ATP7A: variants seen among roughly 807,000 people sequenced by gnomAD.
The protein encoded by ATP7A is ATPase copper transporting alpha, also known as copper-transporting ATPase 1.
Under a neutral mutation model 83.5 loss-of-function variants are expected in ATP7A, and 7 were observed. The ratio of observed to expected loss-of-function variants is 0.08; its 90% CI spans 0.05 to 0.16. ATP7A has a LOEUF of 0.16. ATP7A is among the 10% of genes least tolerant of loss of function. The pLI is 1.00. For synonymous variants in ATP7A, 354 were observed against 395.2 expected, an observed-to-expected ratio of 0.90 and a Z score of 1.24; for missense variants, 940 against 1,120.8, an observed-to-expected ratio of 0.84 and a Z score of 2.30.
intron 1 of ATP7A, among the ~76,000 whole-genome samples, chrX:77,930,891 G>A (rs1160122637): frequency 1.8e-5 from 2 of 109,511 alleles, no homozygotes; most frequent in Non-Finnish European, 3.8e-5. Context: ...CTACATAGGT[G>A]GTACATGGGG....
At chrX:77,926,776 C>T (rs1477367517) in intron 1 of ATP7A, among the ~76,000 whole-genome samples, 1 of 109,565 alleles carries the variant, frequency 9.1e-6, no homozygotes, top group Non-Finnish European at 1.9e-5. Flanking sequence ...AATCTCAGCT[C>T]ACTGCAACCT....
chrX:78,037,748 A>T (rs2078022278), intron 17 of ATP7A, among the ~76,000 whole-genome samples: 1 of 110,750 alleles, frequency 9.0e-6, no homozygotes, highest in Non-Finnish European at 1.9e-5. Flanking sequence ...AAGATGAGGA[A>T]TGAGAATTAA....
At chrX:78,019,492 A>G (rs1438260289) in intron 12 of ATP7A, among the ~76,000 whole-genome samples, 1 of 110,645 alleles carries the variant, frequency 9.0e-6, no homozygotes, top group Non-Finnish European at 1.9e-5. Context: ...TGTTGAGACA[A>G]GGTCTTACCC....
intron 6 of ATP7A, 112 bp downstream of exon 6, chrX:78,003,348 G>GT: frequency 2.7e-6 from 2 of 750,373 alleles, no homozygotes; most frequent in Middle Eastern, 3.5e-4. Flanking sequence ...TGAAAATTAA[G>GT]GAAACTGGAA....
At chrX:77,927,727 C>T (rs1166476117) in intron 1 of ATP7A, among the ~76,000 whole-genome samples, 3 of 110,807 alleles carry the variant, frequency 2.7e-5, no homozygotes, top group Admixed American at 9.7e-5. Context: ...TGTTGGTGTG[C>T]TGCACCCATT....
Position 78,046,780 on chromosome X carries a change from A to AT in ATP7A, c.*215dup, listed in dbSNP as rs782687104. 33 of 486,994 alleles carry AT rather than the reference A, an allele frequency of 6.8e-5. No individual in the cohort carries two copies. The highest frequency in any genetic ancestry group is 6.3e-4 in the African/African-American group (26 of 41,230). The allele number at this position is 486,994 out of a possible 1,213,427, so 40.1% of individuals were successfully genotyped here. A position where few individuals can be genotyped will look rare whatever the true frequency, so the allele number is the denominator to read the frequency against. On this transcript the variant is annotated 3_prime_UTR_variant, in exon 23 of 23. Coordinates refer to ENST00000341514, the MANE Select transcript of ATP7A (RefSeq NM_000052.7). ...TTTATTTAAACTGAATTTCCAGTAT[A>AT]TTTTTGTTTTCACTAACAACAGATA...
chrX:77,994,662 C>A (rs1163091783), intron 4 of ATP7A, among the ~76,000 whole-genome samples: 8 of 110,998 alleles, frequency 7.2e-5, no homozygotes, highest in Non-Finnish European at 1.5e-4. Flanking sequence ...ACCTCAGCCT[C>A]CTGAGTGGCT....
At chrX:78,017,799 C>T (rs1473466077) in intron 12 of ATP7A, among the ~76,000 whole-genome samples, 1 of 65,856 alleles carries the variant, frequency 1.5e-5, no homozygotes, top group East Asian at 5.9e-4. Context: ...TTTTTTGAGA[C>T]GGAGTCTCGC....
chrX:78,042,836 G>C (rs1557238613), intron 20 of ATP7A, 48 bp downstream of exon 20: 1 of 1,132,151 alleles, frequency 8.8e-7, no homozygotes, highest in East Asian at 3.0e-5. Flanking sequence ...TGCCCTATGT[G>C]GTCAATGATA....
intron 1 of ATP7A, among the ~76,000 whole-genome samples, chrX:77,949,269 G>A (rs1294749332): frequency 4.5e-5 from 5 of 111,513 alleles, no homozygotes; most frequent in African/African-American, 1.3e-4. Context: ...TTCCTTCCCT[G>A]TATAAACCAC....
intron 17 of ATP7A, among the ~76,000 whole-genome samples, chrX:78,037,020 G>A (rs2078018079): frequency 8.9e-6 from 1 of 111,803 alleles, no homozygotes. Flanking sequence ...AAGGTTTGTG[G>A]CCTAAGCAGT....
intron 21 of ATP7A, among the ~76,000 whole-genome samples, chrX:78,043,683 A>T (rs1557238729): frequency 1.1e-5 from 1 of 93,913 alleles, no homozygotes; most frequent in Middle Eastern, 4.8e-3. Context: ...TTTGAGACAG[A>T]GTCTCACTCT....
At chrX:77,916,897 T>A (rs1351084300) in intron 1 of ATP7A, among the ~76,000 whole-genome samples, 2 of 111,360 alleles carry the variant, frequency 1.8e-5, no homozygotes, top group Non-Finnish European at 3.8e-5. Context: ...ACTACTAAAC[T>A]ATGAAACTGA....
At chrX:77,954,452 T>G (rs1242900695) in intron 1 of ATP7A, among the ~76,000 whole-genome samples, 7 of 112,328 alleles carry the variant, frequency 6.2e-5, no homozygotes, top group Non-Finnish European at 1.3e-4. Flanking sequence ...AACATACACC[T>G]GCCTACTTCA....
intron 2 of ATP7A, among the ~76,000 whole-genome samples, chrX:77,977,770 A>G (rs1557230471): frequency 1.8e-5 from 2 of 112,659 alleles, no homozygotes; most frequent in African/African-American, 6.4e-5. Flanking sequence ...TACAAATTCC[A>G]GTGACAGATA....
intron 1 of ATP7A, among the ~76,000 whole-genome samples, chrX:77,958,323 T>C (rs2077456409): frequency 9.0e-6 from 1 of 111,513 alleles, no homozygotes; most frequent in Non-Finnish European, 1.9e-5. Flanking sequence ...CTTTATAAAT[T>C]GCCCAGTCTC....
At chrX:78,043,480 G>A (rs200683072) in intron 21 of ATP7A, 46 bp downstream of exon 21, 2 of 1,001,565 alleles carry the variant, frequency 2.0e-6, no homozygotes, top group African/African-American at 3.8e-5. Context: ...AAAGTTATTA[G>A]AGACCTAACA....
In ATP7A at chrX:78,030,284, C is replaced by T. The variant is rs546554845; in HGVS notation, c.3111+840C>T. Among the ~76,000 whole-genome samples, 4 of 110,733 alleles carry T rather than the reference C, an allele frequency of 3.6e-5. No individual in the cohort carries two copies. The South Asian group carries it at 1.2e-3, about 32-fold the overall frequency. ...ACTAAAAATACAAAAATTAGCTGGG[C>T]GAGTTGGCACACCTGTAATCCCAAC... is the stretch of plus-strand genomic sequence containing the variant. On this transcript the variant is annotated intron_variant, in intron 15 of 22. Transcript: ENST00000341514.
intron 1 of ATP7A, among the ~76,000 whole-genome samples, chrX:77,914,279 C>T (rs1323430644): frequency 9.0e-6 from 1 of 110,770 alleles, no homozygotes; most frequent in Admixed American, 9.7e-5. Flanking sequence ...GAGATGGGGT[C>T]TTGCTCTGTC....
Sources: gnomAD v4.1 joint callset for allele counts (sites outside exome capture counted in the v4.1 genomes callset) on GRCh38, gnomAD v4.1.1 for gene constraint, MANE v1.5 for transcripts, NCBI Gene and HGNC (gene_info 2026-07-23, HGNC 2026-07-21) for gene names.